BMPER: variants seen among roughly 807,000 people sequenced by gnomAD.
The protein encoded by BMPER is BMP-binding endothelial regulator protein.
BMPER carries 45 observed loss-of-function variants against 87.3 expected under a neutral mutation model. The ratio of observed to expected loss-of-function variants is 0.52; its 90% CI spans 0.41 to 0.66. The LOEUF (loss-of-function observed/expected upper bound fraction) is 0.66, where lower values mean the gene tolerates loss of function less well. Among genes scored for constraint, BMPER ranks in the 30% least tolerant of loss-of-function variants. The pLI is 0.00. For missense variants in BMPER, 784 were observed against 867.5 expected (o/e 0.90, Z 1.21); for synonymous variants, 326 against 316.2 (o/e 1.03, Z -0.33).
chr7:34,075,883 A>T (rs1056513200), intron 11 of BMPER, among the ~76,000 whole-genome samples: 1 of 152,224 alleles, frequency 6.6e-6, no homozygotes. Context: ...CTGCGCCTGC[A>T]GGATCTGGCA....
intron 2 of BMPER, among the ~76,000 whole-genome samples, chr7:33,908,977 T>C (rs1783886287): frequency 6.6e-6 from 1 of 152,248 alleles, no homozygotes; most frequent in Non-Finnish European, 1.5e-5. Flanking sequence ...GTTCATGGAT[T>C]TCAAAGCACT....
At chr7:33,920,600 A>G (rs1403690466) in intron 2 of BMPER, among the ~76,000 whole-genome samples, 1 of 151,258 alleles carries the variant, frequency 6.6e-6, no homozygotes, top group Non-Finnish European at 1.5e-5. Flanking sequence ...TAATTTTTGT[A>G]TTTTTAGTAG....
rs1783833935 is a variant in BMPER at position 33,906,895 on chromosome 7, G to A, written c.211G>A (p.Val71Ile). The A allele has an allele frequency of 1.2e-6, 2 of 1,612,546 alleles. No individual in the cohort carries two copies. Among genetic ancestry groups the A allele is most frequent in the Admixed American group, 1.7e-5 (1 of 60,004 alleles). ...CACAGACAACCCTTGCATAATGTGTGTCTGCTTGGTAAGTGTGGAGATCAG... is the reference window on the plus strand; with the variant it reads ...CACAGACAACCCTTGCATAATGTGTATCTGCTTGGTAAGTGTGGAGATCAG... ...FITDNPCIMCVCLNKEVTCKR... is the reference protein window; with the variant it reads ...FITDNPCIMCICLNKEVTCKR... The change falls in exon 2 of 15, where the codon GTC (valine) becomes ATC (isoleucine). Residue 71 changes from valine (V) to isoleucine (I), a missense_variant. Coordinates refer to ENST00000649409, the MANE Select transcript of BMPER (RefSeq NM_001365308.1).
intron 6 of BMPER, among the ~76,000 whole-genome samples, chr7:34,011,583 C>CAAAA (rs36022297): frequency 2.0e-4 from 9 of 45,740 alleles, no homozygotes; most frequent in East Asian, 7.6e-4. Context: ...TTGGTCAGGG[C>CAAAA]AAAAAAAAAA....
intron 2 of BMPER, among the ~76,000 whole-genome samples, chr7:33,925,128 C>T (rs941777033): frequency 6.6e-6 from 1 of 152,164 alleles, no homozygotes; most frequent in African/African-American, 2.4e-5. Context: ...GAGGACATGG[C>T]CCTCCCATGT....
At chr7:34,152,218 A>G (rs1028852848) in intron 14 of BMPER, among the ~76,000 whole-genome samples, 1 of 152,330 alleles carries the variant, frequency 6.6e-6, no homozygotes, top group East Asian at 1.9e-4. Flanking sequence ...TTAAATGAAG[A>G]TGGAATTGTT....
chr7:33,997,036 A>G (rs115800341), intron 6 of BMPER, among the ~76,000 whole-genome samples: 2 of 152,242 alleles, frequency 1.3e-5, no homozygotes, highest in African/African-American at 4.8e-5. Context: ...TCTTATGTTC[A>G]TGCTCAACAG....
rs1787133119 is a variant in BMPER, at chr7:34,019,869, TG to T, written c.577-26436del. 2.6e-5 allele frequency among the ~76,000 whole-genome samples: 4 copies of T among 151,732 alleles called. No individual in the cohort carries two copies. The South Asian group carries it at 8.3e-4, about 31-fold the overall frequency. On this transcript the variant is annotated intron_variant, in intron 6 of 14. Coordinates refer to ENST00000649409, the MANE Select transcript of BMPER (RefSeq NM_001365308.1). ...ATTGGTGCTCCAGAGGCCAGGAGAA[TG>T]TGTCACCCACACTTCACAGGAGGGG...
intron 6 of BMPER, among the ~76,000 whole-genome samples, chr7:34,019,998 G>A (rs531137926): frequency 6.6e-6 from 1 of 150,944 alleles, no homozygotes; most frequent in South Asian, 2.1e-4. Flanking sequence ...AATGTCAGAG[G>A]AATGTGGATA....
chr7:33,974,685 T>C lies in BMPER; in HGVS notation c.494-17T>C, dbSNP rs752634502. The C allele has an allele frequency of 6.2e-7, 1 of 1,612,870 alleles. No individual in the cohort carries two copies. Among genetic ancestry groups the C allele is most frequent in the Non-Finnish European group, 8.5e-7 (1 of 1,178,892 alleles). On this transcript the variant is annotated splice_polypyrimidine_tract_variant and intron_variant, in intron 5 of 14. Transcript: ENST00000649409. Reference sequence around the variant, plus strand: ...GATGGCTGTTGCCCTAATTCTAAACTCTTGTCTGCTTTCCAGGCTGTGTGT... The same window carrying C: ...GATGGCTGTTGCCCTAATTCTAAACCCTTGTCTGCTTTCCAGGCTGTGTGT...
intron 3 of BMPER, chr7:33,937,710 A>T: frequency 2.7e-6 from 1 of 367,360 alleles, no homozygotes; most frequent in Non-Finnish European, 5.1e-6. Context: ...GTACACACAC[A>T]CATGAGCATA....
rs1392927351 is a variant in BMPER at position 34,009,130 on chromosome 7, T to C, written c.576+34346T>C. 3.9e-5 allele frequency among the ~76,000 whole-genome samples: 6 copies of C among 152,060 alleles called. No individual in the cohort carries two copies. The East Asian group carries it at 1.2e-3, about 30-fold the overall frequency. ...TGAGCTACTGTACCCAGTATTTTTT[T>C]TTAATTTTAGATGATCCTTCTACTT... On this transcript the variant is annotated intron_variant, in intron 6 of 14. Coordinates refer to ENST00000649409, the MANE Select transcript of BMPER (RefSeq NM_001365308.1).
chr7:34,087,465 C>A (rs189922650), intron 13 of BMPER, among the ~76,000 whole-genome samples: 2 of 152,310 alleles, frequency 1.3e-5, no homozygotes, highest in African/African-American at 4.8e-5. Flanking sequence ...AAATCCAGCC[C>A]AGCTATGCAA....
intron 11 of BMPER, among the ~76,000 whole-genome samples, chr7:34,076,874 G>A (rs989881996): frequency 3.9e-5 from 6 of 152,072 alleles, no homozygotes; most frequent in Non-Finnish European, 7.4e-5. Context: ...CAAAACCTTA[G>A]GAGGTACCTT....
chr7:33,986,826 C>T (rs1786024078), intron 6 of BMPER, among the ~76,000 whole-genome samples: 1 of 152,086 alleles, frequency 6.6e-6, no homozygotes, highest in South Asian at 2.1e-4. Context: ...AGGACATTTC[C>T]AGAACTTTCT....
intron 6 of BMPER, among the ~76,000 whole-genome samples, chr7:34,007,391 A>G (rs1267518386): frequency 6.6e-6 from 1 of 152,060 alleles, no homozygotes; most frequent in Non-Finnish European, 1.5e-5. Context: ...TAAATGGTGA[A>G]AATACAGGCT....
At chr7:33,960,923 A>C (rs551954283) in intron 3 of BMPER, among the ~76,000 whole-genome samples, 32 of 152,356 alleles carry the variant, frequency 2.1e-4, no homozygotes, top group African/African-American at 7.7e-4. Flanking sequence ...TGGAGAAAGA[A>C]CACAGGAGCA....
intron 13 of BMPER, among the ~76,000 whole-genome samples, chr7:34,110,500 G>T (rs536203250): frequency 6.6e-6 from 1 of 152,206 alleles, no homozygotes; most frequent in African/African-American, 2.4e-5. Flanking sequence ...GAGAACAACA[G>T]CTGGCCTGCT....
At chr7:34,014,119 G>C (rs571533614) in intron 6 of BMPER, among the ~76,000 whole-genome samples, 8 of 151,922 alleles carry the variant, frequency 5.3e-5, no homozygotes, top group Non-Finnish European at 1.2e-4. Flanking sequence ...TTTACTACTT[G>C]TTGAATAGAT....
Sources: gnomAD v4.1 joint callset for allele counts (sites outside exome capture counted in the v4.1 genomes callset) on GRCh38, gnomAD v4.1.1 for gene constraint, MANE v1.5 for transcripts, NCBI Gene and HGNC (gene_info 2026-07-23, HGNC 2026-07-21) for gene names.